Variants in FXR1 observed in about 807,000 individuals in gnomAD.
FXR1 encodes the protein FMR1 autosomal homolog 1.
Under a neutral mutation model 84.0 loss-of-function variants are expected in FXR1, and 15 were observed. That is an observed-to-expected ratio of 0.18 (90% CI 0.12 to 0.27). The LOEUF (loss-of-function observed/expected upper bound fraction) is 0.27, where lower values mean the gene tolerates loss of function less well. Ranked by LOEUF, FXR1 falls within the 10% of genes least tolerant of loss-of-function variation. The probability of loss-of-function intolerance (pLI) is 1.00; values close to 1 mark genes in which losing one functional copy is unlikely to be tolerated. For synonymous variants in FXR1, 245 were observed against 250.7 expected (o/e 0.98, Z 0.21); for missense variants, 480 against 774.4 (o/e 0.62, Z 4.51).
chr3:180,916,530 C>T (rs1055493353), intron 1 of FXR1, among the ~76,000 whole-genome samples: 6 of 152,190 alleles, frequency 3.9e-5, no homozygotes, highest in Non-Finnish European at 7.3e-5. Context: ...GCCTCAGCCT[C>T]CCAGGTAGCT....
intron 1 of FXR1, among the ~76,000 whole-genome samples, chr3:180,925,914 T>G (rs958173235): frequency 6.6e-6 from 1 of 152,232 alleles, no homozygotes; most frequent in Non-Finnish European, 1.5e-5. Flanking sequence ...ACATCAGTAA[T>G]ATTTAACTGA....
At chr3:180,925,893 C>CA (rs1456709466) in intron 1 of FXR1, among the ~76,000 whole-genome samples, 3 of 152,088 alleles carry the variant, frequency 2.0e-5, no homozygotes, top group Non-Finnish European at 1.5e-5. Context: ...ATTTTGTAAT[C>CA]AAATTTATCC....
chr3:180,918,716 A>G (rs567496223), intron 1 of FXR1, among the ~76,000 whole-genome samples: 31 of 152,194 alleles, frequency 2.0e-4, no homozygotes, highest in Non-Finnish European at 3.5e-4. Flanking sequence ...CCTTTAACCT[A>G]TTTATAAGTT....
At chr3:180,926,095 CT>C (rs1361508200) in intron 1 of FXR1, among the ~76,000 whole-genome samples, 1 of 152,116 alleles carries the variant, frequency 6.6e-6, no homozygotes, top group Admixed American at 6.5e-5. Flanking sequence ...ATGAACTGCA[CT>C]TTTTTCTTTT....
intron 15 of FXR1, chr3:180,971,115 C>G (rs1213142583): frequency 7.8e-7 from 1 of 1,278,222 alleles, no homozygotes; most frequent in Admixed American, 2.4e-5. Context: ...ATCGTAGCCG[C>G]AGGCGTCGCT....
chr3:180,927,028 C>T (rs995433423), intron 1 of FXR1, among the ~76,000 whole-genome samples: 11 of 152,158 alleles, frequency 7.2e-5, no homozygotes, highest in African/African-American at 2.6e-4. Flanking sequence ...TTTCTTTCAG[C>T]TTGAATCCAG....
chr3:180,949,479 C>G (rs532533281), intron 7 of FXR1, 136 bp downstream of exon 7: 4 of 653,856 alleles, frequency 6.1e-6, no homozygotes, highest in Admixed American at 4.5e-5. Context: ...CTCCACCTCC[C>G]GGATTCAAGC....
chr3:180,929,001 A>G (rs968521579), intron 1 of FXR1, among the ~76,000 whole-genome samples: 1 of 151,968 alleles, frequency 6.6e-6, no homozygotes, highest in East Asian at 1.9e-4. Context: ...GGCTCACTGC[A>G]GCCTCCACCT....
intron 1 of FXR1, among the ~76,000 whole-genome samples, chr3:180,929,573 C>G (rs1016591750): frequency 6.6e-6 from 1 of 152,224 alleles, no homozygotes; most frequent in South Asian, 2.1e-4. Flanking sequence ...GAGAGACAGT[C>G]GAAATCCCCA....
At chr3:180,933,649 T>A (rs894645661) in intron 2 of FXR1, among the ~76,000 whole-genome samples, 2 of 152,210 alleles carry the variant, frequency 1.3e-5, no homozygotes, top group Admixed American at 1.3e-4. Flanking sequence ...AATTAGATGA[T>A]AATATGCTTA....
chr3:180,954,894 T>TC (rs1553775485), intron 9 of FXR1, among the ~76,000 whole-genome samples: 5 of 138,354 alleles, frequency 3.6e-5, no homozygotes, highest in Non-Finnish European at 7.7e-5. Flanking sequence ...TTTTTTTTTT[T>TC]GGTCATTAGT....
At position 180,961,572 on chromosome 3, in the gene FXR1, A is replaced by G. The variant is rs1560014341; in HGVS notation, c.1077+18A>G. The G allele has an allele frequency of 6.2e-6, 7 of 1,121,732 alleles. No individual in the cohort carries two copies. Among genetic ancestry groups the G allele is most frequent in the Non-Finnish European group, 9.5e-6 (7 of 739,600 alleles). 69.5% of individuals were successfully genotyped at this position (1,121,732 alleles called of 1,614,324 possible). A position where few individuals can be genotyped will look rare whatever the true frequency, so the allele number is the denominator to read the frequency against. On this transcript the variant is annotated intron_variant, in intron 11 of 16. Coordinates refer to ENST00000357559, the MANE Select transcript of FXR1 (RefSeq NM_005087.4). ...ATCTAAAGGTTTGTATACGGTTCAT[A>G]CTATATTCTGATATTGTTGCTGCAT... is the stretch of plus-strand genomic sequence containing the variant.
At chr3:180,940,578 C>CTTTTT (rs1559991795) in intron 3 of FXR1, among the ~76,000 whole-genome samples, 1 of 128,380 alleles carries the variant, frequency 7.8e-6, no homozygotes, top group Non-Finnish European at 1.7e-5. Context: ...TTGTTTTTTT[C>CTTTTT]TGTTTTCTTT....
chr3:180,926,515 T>TTC (rs1553840651), intron 1 of FXR1, among the ~76,000 whole-genome samples: 3 of 144,056 alleles, frequency 2.1e-5, no homozygotes, highest in South Asian at 2.2e-4. Context: ...TATTTTTTTT[T>TTC]CTGGCCTTTT....
In FXR1 at chr3:180,961,500, A is replaced by G. The variant is rs1712114213; in HGVS notation, c.1023A>G (p.Lys341=). The G allele has an allele frequency of 6.3e-7, 1 of 1,576,122 alleles. No individual in the cohort carries two copies. Among genetic ancestry groups the G allele is most frequent in the Non-Finnish European group, 8.7e-7 (1 of 1,145,768 alleles). The part of the protein sequence containing the change: ...GMVPFVFVGT[K]ESIGNVQVLL... ...TTCCATTTGTATTTGTTGGCACTAA[A>G]GAAAGCATTGGAAATGTGCAGGTTC... The change falls in exon 11 of 17, where the codon AAA becomes AAG. Residue 341 remains lysine (K), a synonymous_variant. Coordinates refer to ENST00000357559, the MANE Select transcript of FXR1 (RefSeq NM_005087.4).
chr3:180,935,435 A>G (rs1378366673), intron 3 of FXR1, among the ~76,000 whole-genome samples: 1 of 152,138 alleles, frequency 6.6e-6, no homozygotes, highest in East Asian at 1.9e-4. Context: ...AGCTTTGTAG[A>G]CTTTAAATTT....
At chr3:180,933,172 A>G (rs931706188) in intron 1 of FXR1, 162 bp from the exon 2 acceptor site, 9 of 572,538 alleles carry the variant, frequency 1.6e-5, no homozygotes, top group Admixed American at 1.1e-4. Context: ...TTAAAAGATC[A>G]TGTGTCTCAT....
At chr3:180,944,267 C>G (rs978131320) in intron 3 of FXR1, among the ~76,000 whole-genome samples, 2 of 151,682 alleles carry the variant, frequency 1.3e-5, no homozygotes, top group South Asian at 2.1e-4. Flanking sequence ...CATCACTGAT[C>G]GTTTACCAAA....
intron 10 of FXR1, among the ~76,000 whole-genome samples, 158 bp from the exon 11 acceptor site, chr3:180,961,310 A>C (rs964974378): frequency 2.2e-5 from 3 of 133,618 alleles, no homozygotes; most frequent in Non-Finnish European, 3.1e-5. Flanking sequence ...ACTGCACTGT[A>C]GCCTGGGCAA....
Sources: allele counts gnomAD v4.1 joint callset (sites outside exome capture counted in the v4.1 genomes callset), GRCh38; gene constraint gnomAD v4.1.1; transcripts MANE v1.5; gene names NCBI Gene and HGNC (gene_info 2026-07-23, HGNC 2026-07-21).